CACNA1B: variants seen among roughly 807,000 people sequenced by gnomAD.
The protein encoded by CACNA1B is voltage-dependent N-type calcium channel subunit alpha-1B.
A neutral mutation model predicts 247.2 loss-of-function variants in CACNA1B; 70 were observed. That is an observed-to-expected ratio of 0.28 (90% CI 0.23 to 0.35). CACNA1B has a LOEUF of 0.35. CACNA1B is among the 10% of genes least tolerant of loss of function. The probability of loss-of-function intolerance (pLI) is 1.00; values close to 1 mark genes in which losing one functional copy is unlikely to be tolerated. For synonymous variants in CACNA1B, 1,231 were observed against 1,294.4 expected (o/e 0.95, Z 1.05); for missense variants, 2,367 against 3,197.4 (o/e 0.74, Z 6.26).
At position 138,013,113 on chromosome 9, in the gene CACNA1B, C is replaced by A. The variant is rs2133423035; in HGVS notation, c.2161-16C>A. 6.3e-7 allele frequency: 1 copy of A among 1,598,982 alleles called. No individual in the cohort carries two copies. The highest frequency in any genetic ancestry group is 1.1e-5 in the South Asian group (1 of 90,720). On this transcript the variant is annotated splice_polypyrimidine_tract_variant and intron_variant, in intron 17 of 46. Coordinates refer to ENST00000371372, the MANE Select transcript of CACNA1B (RefSeq NM_000718.4). ...ACACTGTGAGGGGAACTGGACATTT[C>A]TCTTTGCTCAAACAGGATGAAGAGG... is the stretch of plus-strand genomic sequence containing the variant.
Position 137,973,653 on chromosome 9 carries a change from G to C in CACNA1B, c.1543+2061G>C, listed in dbSNP as rs1434888496. ...TGTCTCTGTTTCCCCCTCAGCTTGT[G>C]AACTCCTGGGGAGAAGGGTGAACTC... On this transcript the variant is annotated intron_variant, in intron 11 of 46. Transcript: ENST00000371372. The surrounding 1 kb of genome is among the most constrained non-coding windows in gnomAD (Gnocchi z 4.1). Among the ~76,000 whole-genome samples the C allele has an allele frequency of 6.6e-6, 1 of 152,158 alleles. No individual in the cohort carries two copies. The highest frequency in any genetic ancestry group is 2.4e-5 in the African/African-American group (1 of 41,432).
chr9:137,992,946 A>G (rs1589053536), intron 15 of CACNA1B, among the ~76,000 whole-genome samples: 1 of 152,236 alleles, frequency 6.6e-6, no homozygotes, highest in Admixed American at 6.5e-5. Context: ...TGGGTTAACA[A>G]TGAAATCAAG....
intron 41 of CACNA1B, 37 bp from the exon 42 acceptor site, chr9:138,115,515 A>G: frequency 1.2e-6 from 2 of 1,602,186 alleles, no homozygotes; most frequent in Non-Finnish European, 8.5e-7. Context: ...TTGCAGGCCC[A>G]TTGGAGCTCT....
intron 15 of CACNA1B, among the ~76,000 whole-genome samples, chr9:137,998,224 T>G (rs935937272): frequency 6.6e-6 from 1 of 152,206 alleles, no homozygotes; most frequent in Non-Finnish European, 1.5e-5. Context: ...GTTTGTTAAA[T>G]TATTCATTGC....
chr9:138,117,697 C>A lies in CACNA1B; in HGVS notation c.5778-249C>A, dbSNP rs560342567. Among the ~76,000 whole-genome samples, 67 of 152,306 alleles carry A rather than the reference C, an allele frequency of 4.4e-4. 1 individual carries two copies. Among genetic ancestry groups the A allele is most frequent in the Middle Eastern group, 6.8e-3 (2 of 294 alleles). On this transcript the variant is annotated intron_variant, in intron 42 of 46. Transcript: ENST00000371372. ...CTGCATCCTCTCTGCCACTCTGAAT[C>A]CCTTCTTGCTCTGACCCTGTTTTGG...
intron 3 of CACNA1B, among the ~76,000 whole-genome samples, chr9:137,912,594 TA>T (rs1957370426): frequency 6.6e-6 from 1 of 152,210 alleles, no homozygotes. Flanking sequence ...GTTTTGTTCT[TA>T]AGATGGGAGA....
At chr9:137,910,128 T>A (rs545863574) in intron 3 of CACNA1B, among the ~76,000 whole-genome samples, 1 of 152,344 alleles carries the variant, frequency 6.6e-6, no homozygotes, top group South Asian at 2.1e-4. Context: ...TGATGTTTAC[T>A]TCCCTAATGA....
chr9:137,900,955 G>C (rs545281432), intron 3 of CACNA1B, among the ~76,000 whole-genome samples: 3 of 142,124 alleles, frequency 2.1e-5, no homozygotes, highest in African/African-American at 5.3e-5. Context: ...CCTTGTGTCT[G>C]TGTGTCTGTG....
rs199777163 is a variant in CACNA1B, at chr9:138,120,793, G to T, written c.6401G>T (p.Gly2134Val). Residue 2134 changes from glycine (G) to valine (V), a missense_variant, in exon 46 of 47, where the codon GGG (glycine) becomes GTG (valine). Gly to Val is a moderately radical substitution (Grantham distance 109, BLOSUM62 -3). Transcript: ENST00000371372. ...CGCTTCTACTCCTGCGACCGCTTTGGGGGCCGTGAGCCCCCGAAGCCCAAG... is the reference window on the plus strand; with the variant it reads ...CGCTTCTACTCCTGCGACCGCTTTGTGGGCCGTGAGCCCCCGAAGCCCAAG... ...KQRFYSCDRF[G>V]GREPPKPKPS... The T allele has an allele frequency of 6.0e-5, 93 of 1,556,448 alleles. No individual in the cohort carries two copies. Among genetic ancestry groups the T allele is most frequent in the Non-Finnish European group, 7.2e-5 (83 of 1,150,658 alleles).
chr9:137,942,208 A>C (rs1431315571), intron 6 of CACNA1B, among the ~76,000 whole-genome samples: 1 of 152,260 alleles, frequency 6.6e-6, no homozygotes, highest in Non-Finnish European at 1.5e-5. Context: ...ACAAATGGCC[A>C]ACAAACATGG....
chr9:138,080,410 A>G (rs1312968786), intron 36 of CACNA1B, among the ~76,000 whole-genome samples: 1 of 152,170 alleles, frequency 6.6e-6, no homozygotes. Context: ...GCAGTGAGTG[A>G]TGCCATCGGT....
chr9:138,048,293 T>G (rs1317852261), intron 23 of CACNA1B, among the ~76,000 whole-genome samples: 1 of 152,186 alleles, frequency 6.6e-6, no homozygotes, highest in African/African-American at 2.4e-5. Context: ...TCTGCGTAAC[T>G]GCAGTCCTGC....
intron 3 of CACNA1B, among the ~76,000 whole-genome samples, chr9:137,898,913 C>G (rs1957201621): frequency 6.6e-6 from 1 of 151,682 alleles, no homozygotes; most frequent in African/African-American, 2.4e-5. Context: ...ATCTCCTGAC[C>G]TCATGATCCG....
intron 3 of CACNA1B, among the ~76,000 whole-genome samples, chr9:137,893,056 T>G (rs1957125258): frequency 6.6e-6 from 1 of 152,044 alleles, no homozygotes; most frequent in African/African-American, 2.4e-5. Flanking sequence ...AGGGGCTCTC[T>G]CCAGGAGGGC....
intron 12 of CACNA1B, among the ~76,000 whole-genome samples, chr9:137,979,919 A>T (rs1958274446): frequency 6.6e-6 from 1 of 152,226 alleles, no homozygotes; most frequent in Non-Finnish European, 1.5e-5. Flanking sequence ...GGACACCAGG[A>T]AGCTGAGCCA....
intron 6 of CACNA1B, among the ~76,000 whole-genome samples, chr9:137,944,542 C>T (rs565876118): frequency 7.5e-4 from 114 of 152,208 alleles, no homozygotes; most frequent in African/African-American, 2.5e-3. Flanking sequence ...TGCTTCCTGG[C>T]GGGCAGCCTC....
At chr9:138,094,442 T>TA (rs753995157) in intron 36 of CACNA1B, among the ~76,000 whole-genome samples, 8,775 of 93,784 alleles carry the variant, frequency 0.094, 611 homozygotes, top group East Asian at 0.23. Context: ...TTTACTACAG[T>TA]AAAAAAAAAA....
rs558153302 is a variant in CACNA1B, at chr9:138,055,721, A to T, written c.3968+1715A>T. ...CTTACCCAGTGTAATGGATTTTTTA[A>T]AAAACAAAAACAAAACAGCTTTAGG... is the stretch of plus-strand genomic sequence containing the variant. On this transcript the variant is annotated intron_variant, in intron 26 of 46. Transcript: ENST00000371372. 3.3e-5 allele frequency among the ~76,000 whole-genome samples: 5 copies of T among 152,312 alleles called. No individual in the cohort carries two copies. In the South Asian group the frequency reaches 1.0e-3, roughly 32 times the overall value.
intron 3 of CACNA1B, chr9:137,892,126 C>T (rs1307100553): frequency 2.2e-6 from 1 of 456,950 alleles, no homozygotes; most frequent in Non-Finnish European, 4.4e-6. Flanking sequence ...TGGCTCACCA[C>T]AAAGCCCAGC....
Sources: gnomAD v4.1 joint callset for allele counts (sites outside exome capture counted in the v4.1 genomes callset) on GRCh38, gnomAD v4.1.1 for gene constraint, Gnocchi (gnomAD v3.1) non-coding constraint, MANE v1.5 for transcripts, NCBI Gene and HGNC (gene_info 2026-07-23, HGNC 2026-07-21) for gene names.